PLCB4: variants seen among roughly 807,000 people sequenced by gnomAD.
The protein encoded by PLCB4 is 1-phosphatidylinositol 4,5-bisphosphate phosphodiesterase beta-4.
A neutral mutation model predicts 178.8 loss-of-function variants in PLCB4; 77 were observed. The observed-to-expected ratio is 0.43, with a 90% CI of 0.36 to 0.52. PLCB4 has a LOEUF of 0.52. Ranked by LOEUF, PLCB4 falls within the 20% of genes least tolerant of loss-of-function variation. The probability of loss-of-function intolerance (pLI) is 0.00; values close to 1 mark genes in which losing one functional copy is unlikely to be tolerated. For synonymous variants in PLCB4, 496 were observed against 490.8 expected, an observed-to-expected ratio of 1.01 and a Z score of -0.14; for missense variants, 1,024 against 1,453.4, an observed-to-expected ratio of 0.70 and a Z score of 4.80.
rs149025730 is a variant in PLCB4, at chr20:9,357,053, C to T, written c.370-5843C>T. ...TCATCTGGACCCAGGGAGGTCAAGG[C>T]AGCAGTGAGCCTTGATTGTGGCCAC... On this transcript the variant is annotated intron_variant, in intron 7 of 39. Coordinates refer to ENST00000378473, the MANE Select transcript of PLCB4 (RefSeq NM_001377142.1). Among the ~76,000 whole-genome samples the T allele has an allele frequency of 3.2e-4, 48 of 152,262 alleles. No homozygotes were observed. In the East Asian group the frequency reaches 9.1e-3, roughly 29 times the overall value.
At chr20:9,153,040 A>G (rs1475814331) in intron 2 of PLCB4, among the ~76,000 whole-genome samples, 2 of 152,162 alleles carry the variant, frequency 1.3e-5, no homozygotes, top group Non-Finnish European at 2.9e-5. Flanking sequence ...GTTTTGGCCA[A>G]TGCCTCCTAT....
intron 2 of PLCB4, among the ~76,000 whole-genome samples, chr20:9,127,942 C>T (rs775283094): frequency 7.2e-5 from 11 of 152,114 alleles, no homozygotes; most frequent in African/African-American, 1.2e-4. Context: ...CCGCCTCGGC[C>T]TCCCAAAGTG....
At chr20:9,117,818 C>T (rs756244904) in intron 2 of PLCB4, among the ~76,000 whole-genome samples, 5 of 152,170 alleles carry the variant, frequency 3.3e-5, no homozygotes, top group Non-Finnish European at 7.4e-5. Context: ...CTCTACCTAT[C>T]GTGCATTTTT....
intron 2 of PLCB4, among the ~76,000 whole-genome samples, chr20:9,184,680 C>T (rs951904496): frequency 1.3e-5 from 2 of 149,108 alleles, no homozygotes; most frequent in Non-Finnish European, 3.0e-5. Context: ...TTGACTCTTA[C>T]GGAAATAAAA....
intron 4 of PLCB4, among the ~76,000 whole-genome samples, chr20:9,316,760 AC>A (rs1309741268): frequency 6.6e-6 from 1 of 152,192 alleles, no homozygotes; most frequent in Non-Finnish European, 1.5e-5. Context: ...CACTGAAACA[AC>A]CCAAAGCAGC....
chr20:9,398,887 G>C (rs1468202454), intron 19 of PLCB4, among the ~76,000 whole-genome samples: 2 of 152,126 alleles, frequency 1.3e-5, no homozygotes, highest in East Asian at 3.9e-4. Flanking sequence ...GCAACCGATT[G>C]CACTAAGATT....
intron 2 of PLCB4, among the ~76,000 whole-genome samples, chr20:9,202,188 A>C (rs1022818705): frequency 6.6e-6 from 1 of 152,152 alleles, no homozygotes; most frequent in African/African-American, 2.4e-5. Context: ...ACATTGTAGG[A>C]AAAGAATACA....
chr20:9,312,959 C>T (rs931398851), intron 4 of PLCB4, among the ~76,000 whole-genome samples: 11 of 152,188 alleles, frequency 7.2e-5, no homozygotes, highest in Non-Finnish European at 1.0e-4. Flanking sequence ...TTCGAAGAAT[C>T]TATGTCCCAA....
At chr20:9,250,502 A>G (rs2094169082) in intron 3 of PLCB4, among the ~76,000 whole-genome samples, 1 of 152,242 alleles carries the variant, frequency 6.6e-6, no homozygotes. Flanking sequence ...TTTTACTCCC[A>G]TGATGCATTT....
chr20:9,336,912 A>G (rs1369796547), intron 4 of PLCB4, among the ~76,000 whole-genome samples: 1 of 152,138 alleles, frequency 6.6e-6, no homozygotes, highest in Non-Finnish European at 1.5e-5. Flanking sequence ...AACCTATCCT[A>G]GAGCAAGATG....
chr20:9,367,352 G>A lies in PLCB4; in HGVS notation c.503+1838G>A, dbSNP rs190635059. On this transcript the variant is annotated intron_variant, in intron 9 of 39. Transcript: ENST00000378473. Reference sequence around the variant, plus strand: ...GTGGTCTTTCCAAATCTATCTGTAGGATTCTCTGCTTTTATTTAATAACTT... The same window carrying A: ...GTGGTCTTTCCAAATCTATCTGTAGAATTCTCTGCTTTTATTTAATAACTT... 2.6e-3 allele frequency among the ~76,000 whole-genome samples: 392 copies of A among 152,192 alleles called. 4 individuals are homozygous for A. Among genetic ancestry groups the A allele is most frequent in the Non-Finnish European group, 4.5e-3 (305 of 68,008 alleles).
intron 25 of PLCB4, among the ~76,000 whole-genome samples, chr20:9,411,564 A>G (rs538871204): frequency 6.6e-6 from 1 of 152,304 alleles, no homozygotes; most frequent in Non-Finnish European, 1.5e-5. Flanking sequence ...TGTGTCTTGT[A>G]AGTAGCAGTT....
intron 3 of PLCB4, among the ~76,000 whole-genome samples, chr20:9,306,362 C>A (rs557211602): frequency 2.0e-5 from 3 of 151,816 alleles, no homozygotes; most frequent in Admixed American, 6.6e-5. Flanking sequence ...CCCCTCCCCC[C>A]ACCCCGGCCT....
chr20:9,314,562 T>G (rs990955406), intron 4 of PLCB4, among the ~76,000 whole-genome samples: 6 of 152,184 alleles, frequency 3.9e-5, no homozygotes, highest in African/African-American at 1.4e-4. Context: ...TGGATGCATT[T>G]ATATTGTTTC....
intron 1 of PLCB4, among the ~76,000 whole-genome samples, chr20:9,075,824 A>G (rs992552514): frequency 6.6e-6 from 1 of 152,240 alleles, no homozygotes; most frequent in African/African-American, 2.4e-5. Context: ...TTTGGAAATA[A>G]TTAAAATGGA....
At chr20:9,123,552 G>T (rs1288228282) in intron 2 of PLCB4, among the ~76,000 whole-genome samples, 1 of 151,328 alleles carries the variant, frequency 6.6e-6, no homozygotes, top group African/African-American at 2.4e-5. Context: ...ATACCTGCTT[G>T]CTGGGATAAA....
intron 7 of PLCB4, among the ~76,000 whole-genome samples, chr20:9,359,282 G>T (rs976282865): frequency 1.3e-5 from 2 of 152,114 alleles, no homozygotes; most frequent in East Asian, 1.9e-4. Context: ...GTTGGACAGG[G>T]CCTGGGGTGG....
At chr20:9,377,500 T>G (rs2036774605) in intron 12 of PLCB4, among the ~76,000 whole-genome samples, 1 of 152,218 alleles carries the variant, frequency 6.6e-6, no homozygotes, top group South Asian at 2.1e-4. Flanking sequence ...TTCCTTGCCT[T>G]TGGATTACCC....
At chr20:9,370,353 G>A (rs1299438607) in intron 9 of PLCB4, among the ~76,000 whole-genome samples, 2 of 152,138 alleles carry the variant, frequency 1.3e-5, no homozygotes, top group Non-Finnish European at 2.9e-5. Context: ...TGACATTTCA[G>A]AGGGGCTCAA....
Sources: allele counts gnomAD v4.1 joint callset (sites outside exome capture counted in the v4.1 genomes callset), GRCh38; gene constraint gnomAD v4.1.1; transcripts MANE v1.5; gene names NCBI Gene and HGNC (gene_info 2026-07-23, HGNC 2026-07-21).